The following MYSM1 variants were observed in gnomAD, a reference collection of about 807,000 sequenced individuals.
The protein encoded by MYSM1 is deubiquitinase MYSM1.
Under a neutral mutation model 116.0 loss-of-function variants are expected in MYSM1, and 51 were observed. That is an observed-to-expected ratio of 0.44 (90% confidence interval 0.35 to 0.56). The LOEUF (loss-of-function observed/expected upper bound fraction) is 0.56, where lower values mean the gene tolerates loss of function less well. Ranked by LOEUF, MYSM1 falls within the 20% of genes least tolerant of loss-of-function variation. The pLI is 0.00. For missense variants in MYSM1, 900 were observed against 974.9 expected (o/e 0.92, Z 1.02); for synonymous variants, 313 against 315.2 (o/e 0.99, Z 0.07).
chr1:58,667,836 A>T lies in MYSM1; in HGVS notation c.1842+11T>A, dbSNP rs1184726070. On this transcript the variant is annotated intron_variant, in intron 15 of 19. Transcript: ENST00000472487. The stretch of plus-strand genomic sequence containing the variant: ...AATAACTAAAACATTTTTTTAAAAG[A>T]GAGAACTTACTTCAACTACTTTATC... 6.5e-7 allele frequency: 1 copy of T among 1,542,096 alleles called. No individual in the cohort carries two copies. The highest frequency in any genetic ancestry group is 1.4e-5 in the African/African-American group (1 of 73,392).
chr1:58,661,863 T>C (rs1644397280), intron 17 of MYSM1, among the ~76,000 whole-genome samples: 1 of 152,078 alleles, frequency 6.6e-6, no homozygotes, highest in Non-Finnish European at 1.5e-5. Flanking sequence ...ACCGCAGGTT[T>C]AAAGTGGGAT....
intron 12 of MYSM1, 78 bp from the exon 13 acceptor site, chr1:58,669,116 A>G (rs1644517807): frequency 6.4e-6 from 7 of 1,099,530 alleles, no homozygotes; most frequent in South Asian, 3.1e-5. Context: ...CTGAAAGTGT[A>G]TATCAATAAT....
chr1:58,663,375 G>A (rs1644422522), intron 17 of MYSM1, among the ~76,000 whole-genome samples: 2 of 152,084 alleles, frequency 1.3e-5, no homozygotes, highest in Non-Finnish European at 2.9e-5. Flanking sequence ...GAAGAAAACT[G>A]ATCACTAAAT....
intron 17 of MYSM1, among the ~76,000 whole-genome samples, chr1:58,663,380 C>T (rs1016140167): frequency 6.6e-6 from 1 of 152,102 alleles, no homozygotes; most frequent in Non-Finnish European, 1.5e-5. Flanking sequence ...AAACTGATCA[C>T]TAAATATATT....
intron 12 of MYSM1, among the ~76,000 whole-genome samples, chr1:58,669,848 A>C (rs1644530733): frequency 6.8e-6 from 1 of 148,144 alleles, no homozygotes; most frequent in Non-Finnish European, 1.5e-5. Context: ...AAAAAAAAAA[A>C]AAAAAAAAAA....
intron 11 of MYSM1, among the ~76,000 whole-genome samples, chr1:58,672,745 C>A (rs1644582266): frequency 6.6e-6 from 1 of 152,074 alleles, no homozygotes; most frequent in Admixed American, 6.6e-5. Context: ...TCAGATTATA[C>A]CCCACATACT....
At chr1:58,665,809 C>T (rs232791) in intron 16 of MYSM1, among the ~76,000 whole-genome samples, 178 bp from the exon 17 acceptor site, 95,373 of 152,156 alleles carry the variant, frequency 0.63, 30,097 homozygotes, top group African/African-American at 0.69. Flanking sequence ...CTTTGGGAGA[C>T]TGAGGCAGGC....
intron 6 of MYSM1, among the ~76,000 whole-genome samples, chr1:58,688,695 C>CA (rs5774422): frequency 6.7e-5 from 10 of 149,244 alleles, no homozygotes; most frequent in South Asian, 4.2e-4. Flanking sequence ...TATTTTATTT[C>CA]AAAAAAAAAA....
At chr1:58,670,930 G>C (rs150316148) in intron 12 of MYSM1, among the ~76,000 whole-genome samples, 1 of 152,272 alleles carries the variant, frequency 6.6e-6, no homozygotes, top group Non-Finnish European at 1.5e-5. Context: ...CTCACATTTA[G>C]AGTCAGAAAA....
At chr1:58,682,601 C>G (rs548761512) in intron 7 of MYSM1, 56 bp from the exon 8 acceptor site, 1 of 1,423,838 alleles carries the variant, frequency 7.0e-7, no homozygotes, top group Non-Finnish European at 9.3e-7. Flanking sequence ...AATTTAATCA[C>G]TGGTACACAC....
At chr1:58,664,339 TA>T (rs1424166602) in intron 17 of MYSM1, among the ~76,000 whole-genome samples, 1 of 152,202 alleles carries the variant, frequency 6.6e-6, no homozygotes, top group Non-Finnish European at 1.5e-5. Context: ...CATTCCAGAC[TA>T]AAAGCTAATA....
Position 58,668,433 on chromosome 1 carries a change from AATTT to A in MYSM1, c.1767+195_1767+198del, listed in dbSNP as rs577288801. 5.3e-4 allele frequency: 708 copies of A among 1,323,624 alleles called. 3 individuals are homozygous for A. The African/African-American group carries it at 9.5e-3, about 18-fold the overall frequency. The allele number at this position is 1,323,624 out of a possible 1,614,324, so 82.0% of individuals were successfully genotyped here. A position where few individuals can be genotyped will look rare whatever the true frequency, so the allele number is the denominator to read the frequency against. On this transcript the variant is annotated intron_variant, in intron 14 of 19. Transcript: ENST00000472487. ...TAAACAGTCTGCAAAAACTCACATT[AATTT>A]ATTTTCTCTAAAATATGGAAACATG...
chr1:58,690,223 T>C lies in MYSM1; in HGVS notation c.320+3A>G. 1 of 1,549,744 alleles carries C rather than the reference T, an allele frequency of 6.5e-7. No homozygotes were observed. ...TTTATAAATATAAAATATAAGTACATACATGATTTTTGCTGTTTTCTGCAG... is the reference window on the plus strand; with the variant it reads ...TTTATAAATATAAAATATAAGTACACACATGATTTTTGCTGTTTTCTGCAG... On this transcript the variant is annotated splice_donor_region_variant and intron_variant, in intron 5 of 19. Transcript: ENST00000472487.
chr1:58,674,726 C>T (rs759983942), intron 10 of MYSM1, among the ~76,000 whole-genome samples: 56 of 151,992 alleles, frequency 3.7e-4, no homozygotes, highest in African/African-American at 1.1e-3. Context: ...GAGATCGAGA[C>T]CATCCTGGCT....
At position 58,665,195 on chromosome 1, in the gene MYSM1, G is replaced by C. The variant is rs1281254278; in HGVS notation, c.2164+304C>G. Among the ~76,000 whole-genome samples, 5 of 152,040 alleles carry C rather than the reference G, an allele frequency of 3.3e-5. No homozygotes were observed. In the East Asian group the frequency reaches 7.7e-4, roughly 23 times the overall value. ...ATAAAAAAATTTTCATGAGAACAGA[G>C]ACTGTTTTGTTTACTGCAACATCTC... On this transcript the variant is annotated intron_variant, in intron 17 of 19. Transcript: ENST00000472487.
Position 58,657,819 on chromosome 1 carries a change from T to G in MYSM1, c.*2178A>C, listed in dbSNP as rs1331550961. On this transcript the variant is annotated 3_prime_UTR_variant, in exon 20 of 20. Coordinates refer to ENST00000472487, the MANE Select transcript of MYSM1 (RefSeq NM_001085487.3). ...CTCTTGACAAGTATCATCCTTGAGA[T>G]CCTCGCAATATGGCTTAGATTAGCA... 1 of 152,116 alleles carries G rather than the reference T, an allele frequency of 6.6e-6. No individual in the cohort carries two copies. Among genetic ancestry groups the G allele is most frequent in the African/African-American group, 2.4e-5 (1 of 41,400 alleles). The allele number at this position is 152,116 out of a possible 1,614,324, so 9.4% of individuals were successfully genotyped here. A position where few individuals can be genotyped will look rare whatever the true frequency, so the allele number is the denominator to read the frequency against.
At chr1:58,663,907 C>G (rs1325963054) in intron 17 of MYSM1, among the ~76,000 whole-genome samples, 1 of 152,126 alleles carries the variant, frequency 6.6e-6, no homozygotes, top group Non-Finnish European at 1.5e-5. Flanking sequence ...AAGCAGTAAG[C>G]TAGGGTAATG....
In MYSM1 at chr1:58,667,243, C is replaced by T. The variant is rs1232650215; in HGVS notation, c.1843-17G>A. On this transcript the variant is annotated splice_polypyrimidine_tract_variant and intron_variant, in intron 15 of 19. Coordinates refer to ENST00000472487, the MANE Select transcript of MYSM1 (RefSeq NM_001085487.3). ...TGCACAGACCTATAAACGATTGATCCTCAAATGATTATACTAAAATCCTGT... is the reference window on the plus strand; with the variant it reads ...TGCACAGACCTATAAACGATTGATCTTCAAATGATTATACTAAAATCCTGT... 3.4e-6 allele frequency: 5 copies of T among 1,456,428 alleles called. No individual in the cohort carries two copies. The East Asian group carries it at 1.2e-4, about 36-fold the overall frequency. 90.2% of individuals were successfully genotyped at this position (1,456,428 alleles called of 1,614,324 possible).
At position 58,676,759 on chromosome 1, in the gene MYSM1, G is replaced by A. The variant is rs1644659381; in HGVS notation, c.1390+167C>T. On this transcript the variant is annotated intron_variant, in intron 9 of 19. Coordinates refer to ENST00000472487, the MANE Select transcript of MYSM1 (RefSeq NM_001085487.3). The stretch of plus-strand genomic sequence containing the variant: ...TCAGTGTAGGTCAAATGAAAACACA[G>A]TTTAACCAACAGTAAAATCTTAATA... The A allele has an allele frequency of 8.7e-6, 5 of 577,782 alleles. No individual in the cohort carries two copies. The South Asian group carries it at 1.3e-4, about 16-fold the overall frequency. 35.8% of individuals were successfully genotyped at this position (577,782 alleles called of 1,614,324 possible).
Sources: allele counts gnomAD v4.1 joint callset (sites outside exome capture counted in the v4.1 genomes callset), GRCh38; gene constraint gnomAD v4.1.1; transcripts MANE v1.5; gene names NCBI Gene and HGNC (gene_info 2026-07-23, HGNC 2026-07-21).